The following ADAM19 variants were observed in gnomAD, a reference collection of about 807,000 sequenced individuals.
ADAM19 encodes ADAM metallopeptidase domain 19.
Under a neutral mutation model 114.7 loss-of-function variants are expected in ADAM19, and 65 were observed. The ratio of observed to expected loss-of-function variants is 0.57; its 90% CI spans 0.46 to 0.70. ADAM19 has a LOEUF of 0.70. ADAM19 is among the 30% of genes least tolerant of loss of function. The probability of loss-of-function intolerance (pLI) is 0.00; values close to 1 mark genes in which losing one functional copy is unlikely to be tolerated. For synonymous variants in ADAM19, 466 were observed against 460.5 expected (o/e 1.01, Z -0.15); for missense variants, 1,063 against 1,204.7 (o/e 0.88, Z 1.74).
chr5:157,544,883 G>T (rs1490463353), intron 3 of ADAM19, among the ~76,000 whole-genome samples: 1 of 152,168 alleles, frequency 6.6e-6, no homozygotes, highest in Non-Finnish European at 1.5e-5. Flanking sequence ...AAAGACGAAT[G>T]TAAGAGGGTA....
intron 21 of ADAM19, 109 bp from the exon 22 acceptor site, chr5:157,482,052 T>TG: frequency 1.1e-6 from 1 of 892,668 alleles, no homozygotes; most frequent in Non-Finnish European, 1.7e-6. Context: ...ATATACTGTA[T>TG]GGTCCCATTT....
intron 3 of ADAM19, among the ~76,000 whole-genome samples, chr5:157,557,748 G>T (rs1355919128): frequency 6.6e-6 from 1 of 152,168 alleles, no homozygotes; most frequent in East Asian, 1.9e-4. Flanking sequence ...GGTGGAAAAG[G>T]TGAGCTAATT....
intron 14 of ADAM19, among the ~76,000 whole-genome samples, chr5:157,495,399 G>A (rs923707028): frequency 2.1e-4 from 32 of 152,190 alleles, no homozygotes; most frequent in South Asian, 2.1e-4. Context: ...GCCATGTTCC[G>A]ATTCAAGATT....
intron 3 of ADAM19, among the ~76,000 whole-genome samples, chr5:157,562,944 TG>T (rs1757549541): frequency 6.6e-6 from 1 of 151,912 alleles, no homozygotes; most frequent in Non-Finnish European, 1.5e-5. Context: ...CAGGCTCTAC[TG>T]GGGGCAGAAC....
intron 1 of ADAM19, among the ~76,000 whole-genome samples, chr5:157,571,703 G>A (rs1757832295): frequency 6.6e-6 from 1 of 152,164 alleles, no homozygotes; most frequent in South Asian, 2.1e-4. Context: ...GAAGCAGGAA[G>A]GCCAGGCTAG....
At position 157,478,478 on chromosome 5, in the gene ADAM19, T is replaced by C. The variant is rs1754660586; in HGVS notation, c.*2471A>G. The stretch of plus-strand genomic sequence containing the variant: ...TCCCATAAGGCCCCTTCCTCTCCCT[T>C]TTGCAATATTCCCTTTCCCCTTCTG... On this transcript the variant is annotated 3_prime_UTR_variant, in exon 23 of 23. Transcript: ENST00000257527. 1 of 779,032 alleles carries C rather than the reference T, an allele frequency of 1.3e-6. No homozygotes were observed. Among genetic ancestry groups the C allele is most frequent in the South Asian group, 5.9e-5 (1 of 17,044 alleles). 48.3% of individuals were successfully genotyped at this position (779,032 alleles called of 1,614,324 possible).
At chr5:157,540,206 C>T (rs921662027) in intron 3 of ADAM19, among the ~76,000 whole-genome samples, 4 of 152,136 alleles carry the variant, frequency 2.6e-5, no homozygotes, top group African/African-American at 9.7e-5. Context: ...GACAGAAGAA[C>T]CCAGAAAGTT....
intron 5 of ADAM19, among the ~76,000 whole-genome samples, chr5:157,528,125 G>A (rs1455803370): frequency 2.0e-5 from 3 of 152,250 alleles, no homozygotes; most frequent in Non-Finnish European, 1.5e-5. Context: ...GAATGTTGCT[G>A]CTGTTGCAGC....
intron 5 of ADAM19, among the ~76,000 whole-genome samples, chr5:157,520,868 A>T (rs1314559438): frequency 1.3e-5 from 2 of 152,230 alleles, no homozygotes; most frequent in African/African-American, 4.8e-5. Context: ...TGTGTCCTAG[A>T]CATAATCTAG....
intron 7 of ADAM19, among the ~76,000 whole-genome samples, chr5:157,514,958 C>G (rs1282635228): frequency 6.6e-6 from 1 of 152,206 alleles, no homozygotes; most frequent in Non-Finnish European, 1.5e-5. Flanking sequence ...TCCTCCACCC[C>G]ATCCCATGAG....
At chr5:157,550,679 C>A in intron 3 of ADAM19, among the ~76,000 whole-genome samples, 1 of 125,382 alleles carries the variant, frequency 8.0e-6, no homozygotes, top group Non-Finnish European at 1.6e-5. Context: ...CTCAGTAAAG[C>A]TGTTTGGAAA....
chr5:157,557,135 T>A (rs1219979536), intron 3 of ADAM19, among the ~76,000 whole-genome samples: 1 of 152,194 alleles, frequency 6.6e-6, no homozygotes, highest in African/African-American at 2.4e-5. Context: ...CTCGAACTCC[T>A]GGGCTCGCGT....
At chr5:157,573,024 A>T (rs1757874021) in intron 1 of ADAM19, among the ~76,000 whole-genome samples, 1 of 151,968 alleles carries the variant, frequency 6.6e-6, no homozygotes, top group Non-Finnish European at 1.5e-5. Context: ...ACAGAGCAAG[A>T]CTCCATCTCA....
At position 157,496,896 on chromosome 5, in the gene ADAM19, G is replaced by T. The variant is rs1196303620; in HGVS notation, c.1592C>A (p.Pro531His). Residue 531 changes from proline (P) to histidine (H), a missense_variant and splice_region_variant, in exon 14 of 23, where the codon CCC (proline) becomes CAC (histidine). By Grantham distance (77) the Pro-to-His change is moderately conservative. Transcript: ENST00000257527. ...CGTGCTCCCCAGGAGAGCCTTACCG[G>T]GTCCCCACAGCTGCTGGCACTGCTC... ...YQEQCQQLWG[P>H]GARPAPDLCF... The T allele has an allele frequency of 1.3e-6, 2 of 1,573,558 alleles. No individual in the cohort carries two copies. The highest frequency in any genetic ancestry group is 3.7e-5 in the Admixed American group (2 of 53,362).
Position 157,493,065 on chromosome 5 carries a change from G to T in ADAM19, c.1816C>A (p.Arg606=). The T allele has an allele frequency of 1.9e-6, 3 of 1,614,194 alleles. No individual in the cohort carries two copies. Among genetic ancestry groups the T allele is most frequent in the Non-Finnish European group, 2.5e-6 (3 of 1,180,040 alleles). The part of the protein sequence containing the change: ...IIMNGRQIQC[R]GTHVYRGPEE... Reference sequence around the variant, plus strand: ...GGACCTCGGTAGACGTGGGTGCCCCGGCACTGGATCTGCCTCCCATTCATG... The same window carrying T: ...GGACCTCGGTAGACGTGGGTGCCCCTGCACTGGATCTGCCTCCCATTCATG... Residue 606 remains arginine, a synonymous_variant, in exon 16 of 23, where the codon CGG becomes AGG. Coordinates refer to ENST00000257527, the MANE Select transcript of ADAM19 (RefSeq NM_033274.5).
intron 3 of ADAM19, among the ~76,000 whole-genome samples, chr5:157,555,839 TC>T (rs1757352466): frequency 6.6e-6 from 1 of 152,230 alleles, no homozygotes; most frequent in Non-Finnish European, 1.5e-5. Flanking sequence ...GAGAATCTGT[TC>T]CTTGCCTCTT....
chr5:157,565,481 G>T (rs1481325124), intron 2 of ADAM19, among the ~76,000 whole-genome samples: 9 of 152,194 alleles, frequency 5.9e-5, no homozygotes, highest in African/African-American at 2.2e-4. Context: ...CACTTTGGGA[G>T]GCCGAGGCAG....
chr5:157,525,931 A>C (rs1228971845), intron 5 of ADAM19, among the ~76,000 whole-genome samples: 1 of 152,152 alleles, frequency 6.6e-6, no homozygotes, highest in Non-Finnish European at 1.5e-5. Flanking sequence ...GGCTGCTGTA[A>C]TATAAGGGTG....
At chr5:157,489,049 G>A in intron 20 of ADAM19, 53 bp downstream of exon 20, 1 of 1,186,944 alleles carries the variant, frequency 8.4e-7, no homozygotes, top group Non-Finnish European at 1.2e-6. Flanking sequence ...AATACAGCAT[G>A]GCCCTGAGGG....
Sources: gnomAD v4.1 joint callset for allele counts (sites outside exome capture counted in the v4.1 genomes callset) on GRCh38, gnomAD v4.1.1 for gene constraint, MANE v1.5 for transcripts, NCBI Gene and HGNC (gene_info 2026-07-23, HGNC 2026-07-21) for gene names.